ANKRD50: variants seen among roughly 807,000 people sequenced by gnomAD.
The protein encoded by ANKRD50 is ankyrin repeat domain 50.
A neutral mutation model predicts 112.0 loss-of-function variants in ANKRD50; 40 were observed. The observed-to-expected ratio is 0.36, with a 90% CI of 0.28 to 0.46. The LOEUF (loss-of-function observed/expected upper bound fraction) is 0.46. Among genes scored for constraint, ANKRD50 ranks in the 20% least tolerant of loss-of-function variants. ANKRD50 has a pLI of 1.00. For synonymous variants in ANKRD50, 613 were observed against 619.1 expected (o/e 0.99, Z 0.15); for missense variants, 1,487 against 1,701.7 (o/e 0.87, Z 2.22).
chr4:124,701,381 G>C (rs1355156337), intron 2 of ANKRD50, among the ~76,000 whole-genome samples: 1 of 152,066 alleles, frequency 6.6e-6, no homozygotes, highest in African/African-American at 2.4e-5. Context: ...ACCATAAAAG[G>C]CTACCAGTTT....
intron 2 of ANKRD50, among the ~76,000 whole-genome samples, chr4:124,701,994 G>A (rs916127121): frequency 2.0e-5 from 3 of 152,074 alleles, no homozygotes; most frequent in African/African-American, 7.2e-5. Context: ...TATGTCTACT[G>A]TTCATATAAA....
chr4:124,667,883 T>A (rs371092690), intron 4 of ANKRD50, among the ~76,000 whole-genome samples: 3 of 151,972 alleles, frequency 2.0e-5, no homozygotes, highest in Non-Finnish European at 2.9e-5. Flanking sequence ...TAGATTCACA[T>A]TGAAGGCTGT....
In ANKRD50 at chr4:124,671,957, A is replaced by G. The variant is rs139556147; in HGVS notation, c.1320T>C (p.Tyr440=). The part of the protein sequence containing the change: ...AEGHRMLAMS[Y]TCQAKNLTPL... ...GTGTTAAATTCTTGGCTTGACAGGT[A>G]TAACTCATAGCCAACATTCTGTGTC... The change falls in exon 4 of 5, where the codon TAT becomes TAC. Residue 440 remains tyrosine, a synonymous_variant. Transcript: ENST00000504087. 9.3e-6 allele frequency: 15 copies of G among 1,613,798 alleles called. No individual in the cohort carries two copies. Among genetic ancestry groups the G allele is most frequent in the Admixed American group, 1.7e-5 (1 of 59,960 alleles).
chr4:124,702,940 G>C (rs148884840), intron 2 of ANKRD50, among the ~76,000 whole-genome samples: 2 of 151,990 alleles, frequency 1.3e-5, no homozygotes, highest in African/African-American at 4.8e-5. Flanking sequence ...GTTAGTGAGG[G>C]ACTACCAAGT....
chr4:124,682,939 T>C (rs1724926356), intron 2 of ANKRD50, among the ~76,000 whole-genome samples: 1 of 152,072 alleles, frequency 6.6e-6, no homozygotes, highest in Admixed American at 6.6e-5. Context: ...GTAACGTACA[T>C]GTATGTCAGT....
chr4:124,694,242 G>C (rs10026096), intron 2 of ANKRD50, among the ~76,000 whole-genome samples: 8,168 of 152,178 alleles, frequency 0.054, 235 homozygotes, highest in Middle Eastern at 0.085. Flanking sequence ...CAGGAGTTTG[G>C]CCCAAATGTA....
chr4:124,673,269 G>A (rs1578573664), intron 3 of ANKRD50, among the ~76,000 whole-genome samples: 1 of 152,126 alleles, frequency 6.6e-6, no homozygotes, highest in South Asian at 2.1e-4. Flanking sequence ...ACTGTCTAAA[G>A]GCAGATGACA....
chr4:124,682,321 T>C (rs1357791146), intron 2 of ANKRD50, among the ~76,000 whole-genome samples: 3 of 39,476 alleles, frequency 7.6e-5, no homozygotes, highest in African/African-American at 1.2e-4. Context: ...AGACTCCGTC[T>C]CAAAAAAAAA....
intron 2 of ANKRD50, among the ~76,000 whole-genome samples, chr4:124,698,568 G>C (rs1320412872): frequency 2.0e-5 from 3 of 151,966 alleles, no homozygotes; most frequent in Non-Finnish European, 4.4e-5. Context: ...CTCAGAGTGT[G>C]GTATGGGGAC....
intron 2 of ANKRD50, among the ~76,000 whole-genome samples, chr4:124,703,384 T>C (rs1250911297): frequency 6.6e-6 from 1 of 152,086 alleles, no homozygotes; most frequent in African/African-American, 2.4e-5. Flanking sequence ...GAAGCAGCGC[T>C]TGCACATACG....
Position 124,711,128 on chromosome 4 carries a change from T to G in ANKRD50, c.-617A>C, listed in dbSNP as rs938967848. ...AACTGTTTCAGATTATAGTCTCTTATGTGGCAGAAATGACAACCACTGTTA... is the reference window on the plus strand; with the variant it reads ...AACTGTTTCAGATTATAGTCTCTTAGGTGGCAGAAATGACAACCACTGTTA... On this transcript the variant is annotated 5_prime_UTR_variant, in exon 2 of 5. Coordinates refer to ENST00000504087, the MANE Select transcript of ANKRD50 (RefSeq NM_020337.3). 5.2e-6 allele frequency: 1 copy of G among 193,894 alleles called. No homozygotes were observed. The highest frequency in any genetic ancestry group is 2.3e-5 in the African/African-American group (1 of 43,298). The allele number at this position is 193,894 out of a possible 1,614,324, so 12.0% of individuals were successfully genotyped here.
chr4:124,692,104 A>C (rs139413226), intron 2 of ANKRD50, among the ~76,000 whole-genome samples: 2,240 of 152,316 alleles, frequency 0.015, 89 homozygotes, highest in Admixed American at 0.091. Flanking sequence ...CACATAAATG[A>C]ATTTCATGTT....
At chr4:124,711,611 G>A (rs183989440) in intron 1 of ANKRD50, among the ~76,000 whole-genome samples, 10 of 152,214 alleles carry the variant, frequency 6.6e-5, no homozygotes, top group Admixed American at 4.6e-4. Context: ...ACAGTAGACT[G>A]GTAGAACAGC....
At chr4:124,684,592 A>G (rs1247042447) in intron 2 of ANKRD50, among the ~76,000 whole-genome samples, 1 of 152,072 alleles carries the variant, frequency 6.6e-6, no homozygotes, top group Non-Finnish European at 1.5e-5. Flanking sequence ...ATCAAATGAG[A>G]GCTTTTGTCC....
At chr4:124,708,462 T>C (rs867927421) in intron 2 of ANKRD50, among the ~76,000 whole-genome samples, 14 of 152,154 alleles carry the variant, frequency 9.2e-5, no homozygotes, top group Non-Finnish European at 1.5e-4. Context: ...CTCTCAAAGA[T>C]ACATCCCTTT....
intron 2 of ANKRD50, among the ~76,000 whole-genome samples, chr4:124,694,753 T>G (rs2110521855): frequency 6.6e-6 from 1 of 152,090 alleles, no homozygotes; most frequent in Admixed American, 6.5e-5. Context: ...CAGCTTGGAG[T>G]AGGAACTTCA....
chr4:124,667,283 A>C lies in ANKRD50; in HGVS notation c.*235T>G, dbSNP rs867950699. 6.6e-6 allele frequency: 1 copy of C among 152,032 alleles called. No individual in the cohort carries two copies. Among genetic ancestry groups the C allele is most frequent in the African/African-American group, 2.4e-5 (1 of 41,436 alleles). 9.4% of individuals were successfully genotyped at this position (152,032 alleles called of 1,614,324 possible). The stretch of plus-strand genomic sequence containing the variant: ...GTATCTGCATTTTTAAAAAGTGCTT[A>C]TTCCTGTGTAGTGAATACAAAGCAC... On this transcript the variant is annotated 3_prime_UTR_variant, in exon 5 of 5. Coordinates refer to ENST00000504087, the MANE Select transcript of ANKRD50 (RefSeq NM_020337.3).
rs889141675 is a variant in ANKRD50 at position 124,712,544 on chromosome 4, AGCAGC to A, written c.-855_-851del. 6.5e-6 allele frequency: 1 copy of A among 152,878 alleles called. No individual in the cohort carries two copies. The highest frequency in any genetic ancestry group is 2.4e-5 in the African/African-American group (1 of 41,244). 9.5% of individuals were successfully genotyped at this position (152,878 alleles called of 1,614,324 possible). On this transcript the variant is annotated 5_prime_UTR_variant, in exon 1 of 5. Transcript: ENST00000504087. ...CTTGCTTCGCTGAGAAGTCGCTGCC[AGCAGC>A]GCTCCCAAGACTCCACTCCAACTGC... is the stretch of plus-strand genomic sequence containing the variant.
rs750174952 is a variant in ANKRD50, at chr4:124,710,508, T to A, written c.4A>T (p.Thr2Ser). 6.2e-7 allele frequency: 1 copy of A among 1,607,608 alleles called. No homozygotes were observed. Among genetic ancestry groups the A allele is most frequent in the African/African-American group, 1.3e-5 (1 of 74,766 alleles). Residue 2 changes from threonine (T) to serine (S), a missense_variant, in exon 2 of 5, where the codon ACT (threonine) becomes TCT (serine). By Grantham distance (58) the Thr-to-Ser change is moderately conservative. Transcript: ENST00000504087. ...CAGACTTTCTCTTCCCAAGGATTAG[T>A]CATAACGGGTTTTTTATCTTCATTT... Reference protein sequence around the residue: MTNPWEEKVCKM... With the variant: MSNPWEEKVCKM...
Sources: gnomAD v4.1 joint callset for allele counts (sites outside exome capture counted in the v4.1 genomes callset) on GRCh38, gnomAD v4.1.1 for gene constraint, MANE v1.5 for transcripts, NCBI Gene and HGNC (gene_info 2026-07-23, HGNC 2026-07-21) for gene names.